ZRANB2: variants seen among roughly 807,000 people sequenced by gnomAD.
ZRANB2 encodes the protein zinc finger Ran-binding domain-containing protein 2.
In ZRANB2, 19 loss-of-function variants were observed where a neutral mutation model predicts 53.4. The observed-to-expected ratio is 0.36, with a 90% confidence interval of 0.25 to 0.52. The LOEUF is 0.52. Among genes scored for constraint, ZRANB2 ranks in the 20% least tolerant of loss-of-function variants. ZRANB2 has a pLI of 0.93. For synonymous variants in ZRANB2, 145 were observed against 134.8 expected, an observed-to-expected ratio of 1.08 and a Z score of -0.52; for missense variants, 309 against 401.1, an observed-to-expected ratio of 0.77 and a Z score of 1.96.
At chr1:71,075,749 G>C (rs931119365) in intron 4 of ZRANB2, among the ~76,000 whole-genome samples, 13 of 152,080 alleles carry the variant, frequency 8.5e-5, no homozygotes, top group African/African-American at 3.1e-4. Flanking sequence ...ATCCTTGTCA[G>C]AAGGCCTTAA....
At chr1:71,080,644 CGGGGCG>C (rs1661821066) in intron 1 of ZRANB2, among the ~76,000 whole-genome samples, 1 of 38,728 alleles carries the variant, frequency 2.6e-5, no homozygotes, top group African/African-American at 1.1e-4. Context: ...AAAACCTGGC[CGGGGCG>C]GGGGAGGGGG....
In ZRANB2 at chr1:71,064,434, A is replaced by G. The variant is rs1661374900; in HGVS notation, c.*640T>C. 6.6e-6 allele frequency: 1 copy of G among 152,462 alleles called. No individual in the cohort carries two copies. The highest frequency in any genetic ancestry group is 2.4e-5 in the African/African-American group (1 of 41,436). 9.4% of individuals were successfully genotyped at this position (152,462 alleles called of 1,614,324 possible). A position where few individuals can be genotyped will look rare whatever the true frequency, so the allele number is the denominator to read the frequency against. On this transcript the variant is annotated 3_prime_UTR_variant, in exon 10 of 10. Transcript: ENST00000370920. ...TCTTTTTTGCCCCAAATTATGTGTC[A>G]GAAAGGAAAATATATCCCACTTCTC... is the stretch of plus-strand genomic sequence containing the variant.
At chr1:71,069,140 G>T in intron 8 of ZRANB2, 136 bp downstream of exon 8, 2 of 601,872 alleles carry the variant, frequency 3.3e-6, no homozygotes, top group Non-Finnish European at 2.9e-6. Context: ...TTAAGCTGAG[G>T]CAAGTGCATT....
At chr1:71,070,385 C>T (rs191821835) in intron 7 of ZRANB2, among the ~76,000 whole-genome samples, 4 of 152,186 alleles carry the variant, frequency 2.6e-5, no homozygotes, top group Admixed American at 2.6e-4. Context: ...CCGTTATTCA[C>T]AATACTGATA....
intron 9 of ZRANB2, 28 bp from the exon 10 acceptor site, chr1:71,065,165 A>G (rs764015441): frequency 1.1e-5 from 17 of 1,561,982 alleles, no homozygotes; most frequent in Non-Finnish European, 1.5e-5. Context: ...GAGAGTAGGC[A>G]TTCTAGTAAG....
At chr1:71,073,903 C>T (rs1661649647) in intron 4 of ZRANB2, among the ~76,000 whole-genome samples, 1 of 152,018 alleles carries the variant, frequency 6.6e-6, no homozygotes, top group Non-Finnish European at 1.5e-5. Flanking sequence ...ACACTAGCTC[C>T]CTATCGTGAA....
chr1:71,076,044 G>C (rs1661703344), intron 4 of ZRANB2, among the ~76,000 whole-genome samples: 1 of 152,038 alleles, frequency 6.6e-6, no homozygotes, highest in African/African-American at 2.4e-5. Flanking sequence ...AAGAAAACAG[G>C]GAAGCAGTTC....
chr1:71,069,157 C>T (rs181162621), intron 8 of ZRANB2, 119 bp downstream of exon 8: 1 of 746,740 alleles, frequency 1.3e-6, no homozygotes, highest in African/African-American at 1.8e-5. Flanking sequence ...CATTAGTTTT[C>T]TAATGCTAAA....
intron 4 of ZRANB2, among the ~76,000 whole-genome samples, chr1:71,076,359 A>C (rs1160135491): frequency 6.6e-6 from 1 of 152,238 alleles, no homozygotes; most frequent in Non-Finnish European, 1.5e-5. Context: ...GATATTTGAA[A>C]AAGTTTTTCA....
intron 4 of ZRANB2, among the ~76,000 whole-genome samples, chr1:71,075,223 CA>C (rs1314280728): frequency 6.6e-6 from 1 of 151,912 alleles, no homozygotes; most frequent in Non-Finnish European, 1.5e-5. Flanking sequence ...TATTTTTCCA[CA>C]AAACATAGTA....
intron 1 of ZRANB2, among the ~76,000 whole-genome samples, chr1:71,080,625 C>T (rs1413999504): frequency 6.9e-6 from 1 of 144,256 alleles, no homozygotes; most frequent in Non-Finnish European, 1.5e-5. Flanking sequence ...GGAGAGGTTT[C>T]CTATCGCTAA....
intron 9 of ZRANB2, chr1:71,065,687 G>GA (rs776016247): frequency 1.2e-6 from 2 of 1,611,502 alleles, no homozygotes; most frequent in South Asian, 2.2e-5. Flanking sequence ...CCTGGGTAAA[G>GA]TAGTGGTGTT....
chr1:71,065,983 G>A (rs150128989), intron 9 of ZRANB2: 7 of 442,778 alleles, frequency 1.6e-5, no homozygotes, highest in Non-Finnish European at 2.3e-5. Flanking sequence ...TTCTGTACAA[G>A]TAGGAATCAT....
Position 71,066,874 on chromosome 1 carries a change from T to C in ZRANB2, c.831A>G (p.Ser277=). 1 of 1,611,326 alleles carries C rather than the reference T, an allele frequency of 6.2e-7. No homozygotes were observed. Among genetic ancestry groups the C allele is most frequent in the Non-Finnish European group, 8.5e-7 (1 of 1,178,994 alleles). ...SSPRKRSYSS[S]SSSPERNRKR... ...TTCTGTTCCTCTCAGGAGAAGATGATGAACTTGAATAAGATCTTTTTCGTG... is the reference window on the plus strand; with the variant it reads ...TTCTGTTCCTCTCAGGAGAAGATGACGAACTTGAATAAGATCTTTTTCGTG... Residue 277 remains serine, a synonymous_variant, in exon 9 of 10, where the codon TCA becomes TCG. Coordinates refer to ENST00000370920, the MANE Select transcript of ZRANB2 (RefSeq NM_203350.3).
At position 71,080,975 on chromosome 1, in the gene ZRANB2, T is replaced by G; in HGVS notation, c.21A>C (p.Arg7=). 1 of 1,614,132 alleles carries G rather than the reference T, an allele frequency of 6.2e-7. No homozygotes were observed. The highest frequency in any genetic ancestry group is 8.5e-7 in the Non-Finnish European group (1 of 1,180,018). MSTKNF[R]VSDGDWICPD... is the part of the protein sequence containing the mutation. ...GGCAAATCCAGTCCCCGTCACTGAC[T>G]CGGAAATTCTTGGTCGACATCTTGA... Residue 7 remains arginine, a synonymous_variant, in exon 1 of 10, where the codon CGA becomes CGC. Transcript: ENST00000370920.
intron 6 of ZRANB2, among the ~76,000 whole-genome samples, chr1:71,071,667 C>T (rs934160214): frequency 1.3e-5 from 2 of 152,072 alleles, no homozygotes; most frequent in African/African-American, 4.8e-5. Context: ...AGGCTGCTGG[C>T]TTATCTCCTA....
At chr1:71,068,589 T>C (rs1162941874) in intron 8 of ZRANB2, among the ~76,000 whole-genome samples, 3 of 152,106 alleles carry the variant, frequency 2.0e-5, no homozygotes, top group South Asian at 2.1e-4. Context: ...CTATAAATAA[T>C]AGCGTGTGTA....
chr1:71,070,675 A>T, intron 7 of ZRANB2, 152 bp downstream of exon 7: 1 of 510,920 alleles, frequency 2.0e-6, no homozygotes, highest in Non-Finnish European at 3.3e-6. Context: ...ACTGTATGGT[A>T]CTAAGCTGAA....
chr1:71,077,612 G>C (rs985108654), intron 3 of ZRANB2, among the ~76,000 whole-genome samples: 3 of 152,138 alleles, frequency 2.0e-5, no homozygotes, highest in Non-Finnish European at 4.4e-5. Context: ...CCAGCACTTT[G>C]GGAGGCCAAG....
Sources: allele counts gnomAD v4.1 joint callset (sites outside exome capture counted in the v4.1 genomes callset), GRCh38; gene constraint gnomAD v4.1.1; transcripts MANE v1.5; gene names NCBI Gene and HGNC (gene_info 2026-07-23, HGNC 2026-07-21).